The following PPP1R42 variants were observed in gnomAD, a reference collection of about 807,000 sequenced individuals.
PPP1R42 encodes protein phosphatase 1 regulatory subunit 42, also known as leucine rich repeat containing 67.
A neutral mutation model predicts 31.0 loss-of-function variants in PPP1R42; 34 were observed. The observed-to-expected ratio is 1.10, with a 90% CI of 0.83 to 1.46. The LOEUF (loss-of-function observed/expected upper bound fraction) is 1.46. Among genes scored for constraint, PPP1R42 ranks in the 40% most tolerant of loss-of-function variants. The probability of loss-of-function intolerance (pLI) is 0.00; values close to 1 mark genes in which losing one functional copy is unlikely to be tolerated. For missense variants in PPP1R42, 268 were observed against 303.0 expected, an observed-to-expected ratio of 0.88 and a Z score of 0.86; for synonymous variants, 103 against 109.8, an observed-to-expected ratio of 0.94 and a Z score of 0.39.
At chr8:66,977,398 C>T (rs563172269) in intron 7 of PPP1R42, among the ~76,000 whole-genome samples, 8 of 149,448 alleles carry the variant, frequency 5.4e-5, no homozygotes, top group Admixed American at 3.4e-4. Flanking sequence ...AGTGCAGTGG[C>T]GTGATCATAG....
At chr8:66,985,205 G>A (rs1036127014) in intron 6 of PPP1R42, 4 of 1,129,290 alleles carry the variant, frequency 3.5e-6, no homozygotes, top group South Asian at 2.5e-5. Flanking sequence ...GTCCTTAATC[G>A]CTGAGCAGTC....
chr8:66,981,342 T>A (rs1814828664), intron 7 of PPP1R42, among the ~76,000 whole-genome samples: 1 of 152,050 alleles, frequency 6.6e-6, no homozygotes, highest in Non-Finnish European at 1.5e-5. Flanking sequence ...CGTGATATAT[T>A]TTTATTTTCT....
At chr8:66,985,704 GGAA>G (rs1490389055) in intron 6 of PPP1R42, 17 of 1,322,466 alleles carry the variant, frequency 1.3e-5, no homozygotes, top group South Asian at 2.3e-5. Flanking sequence ...CTGGTTGGGA[GGAA>G]GAAGGAGTCT....
At chr8:66,974,945 C>G (rs1442065994) in intron 7 of PPP1R42, among the ~76,000 whole-genome samples, 1 of 152,118 alleles carries the variant, frequency 6.6e-6, no homozygotes, top group Non-Finnish European at 1.5e-5. Flanking sequence ...GTTCTTCATT[C>G]TTAAGATTGA....
rs151110214 is a variant in PPP1R42 at position 66,987,959 on chromosome 8, C to T, written c.670+441G>A. On this transcript the variant is annotated intron_variant, in intron 6 of 7. Transcript: ENST00000685739. ...ATAAAGGGTCTCGTCACCCAGCTCT[C>T]CTATCAAACGAAAGGGATTCCTGTA... 2.6e-3 allele frequency among the ~76,000 whole-genome samples: 396 copies of T among 152,278 alleles called. 1 individual carries two copies. The highest frequency in any genetic ancestry group is 0.01 in the Middle Eastern group (3 of 294).
Position 67,017,690 on chromosome 8 carries a change from C to G in PPP1R42, c.58G>C (p.Glu20Gln). The change falls in exon 2 of 8, where the codon GAA (glutamate) becomes CAA (glutamine). Residue 20 changes from glutamate to glutamine, a missense_variant. Physicochemically the swap from Glu to Gln is conservative, Grantham distance 29. Coordinates refer to ENST00000685739, the MANE Select transcript of PPP1R42 (RefSeq NM_001364910.1). Reference protein sequence around the residue: ...ARNSNLKPRKEETISQCLKKI... With the variant: ...ARNSNLKPRKQETISQCLKKI... ...TTCAGGCACTGTGAAATGGTTTCTT[C>G]TTTTCGGGGTTTAAGATTGCTGTTT... 6.2e-7 allele frequency: 1 copy of G among 1,601,944 alleles called. No individual in the cohort carries two copies.
At chr8:66,984,496 T>C (rs1237279957) in intron 6 of PPP1R42, 3 of 1,231,570 alleles carry the variant, frequency 2.4e-6, no homozygotes, top group Non-Finnish European at 3.6e-6. Context: ...TTGCCCAGCA[T>C]TGGCCTCAAT....
At chr8:66,973,047 G>A (rs1353832575) in intron 7 of PPP1R42, among the ~76,000 whole-genome samples, 2 of 152,114 alleles carry the variant, frequency 1.3e-5, no homozygotes, top group Non-Finnish European at 2.9e-5. Flanking sequence ...ATGATTAAAT[G>A]CAGTAATGTA....
intron 1 of PPP1R42, among the ~76,000 whole-genome samples, chr8:67,024,470 A>G (rs1367797390): frequency 6.9e-6 from 1 of 145,570 alleles, no homozygotes; most frequent in African/African-American, 2.6e-5. Flanking sequence ...TCATGCCACC[A>G]TGCCAGCTAA....
intron 5 of PPP1R42, among the ~76,000 whole-genome samples, chr8:66,999,699 T>G: frequency 6.6e-6 from 1 of 152,216 alleles, no homozygotes; most frequent in East Asian, 1.9e-4. Context: ...TATCATTTCT[T>G]TCTTAATTGT....
At chr8:67,004,089 CAA>C (rs773648040) in intron 5 of PPP1R42, among the ~76,000 whole-genome samples, 14 of 102,578 alleles carry the variant, frequency 1.4e-4, no homozygotes, top group Admixed American at 2.2e-4. Context: ...GACTCCGTCT[CAA>C]AAAAAAAAAA....
intron 4 of PPP1R42, among the ~76,000 whole-genome samples, chr8:67,012,103 G>T (rs1815859134): frequency 6.6e-6 from 1 of 151,964 alleles, no homozygotes; most frequent in Non-Finnish European, 1.5e-5. Context: ...AGGCGTGGTG[G>T]CGCACGCCTG....
chr8:66,969,011 A>G (rs1437434925), intron 7 of PPP1R42, among the ~76,000 whole-genome samples: 4 of 152,226 alleles, frequency 2.6e-5, no homozygotes, highest in Non-Finnish European at 4.4e-5. Flanking sequence ...AGGATAGCCT[A>G]TCTTTGCAGT....
At chr8:67,015,631 C>G (rs1193478672) in intron 2 of PPP1R42, among the ~76,000 whole-genome samples, 1 of 150,148 alleles carries the variant, frequency 6.7e-6, no homozygotes, top group African/African-American at 2.4e-5. Context: ...CAGGGTCTGC[C>G]CAGGCTGGTG....
rs1399465336 is a variant in PPP1R42 at position 67,018,825 on chromosome 8, C to A, written c.-84-994G>T. 2.3e-4 allele frequency among the ~76,000 whole-genome samples: 11 copies of A among 48,406 alleles called. 2 individuals carry two copies. The highest frequency in any genetic ancestry group is 9.4e-4 in the African/African-American group (11 of 11,700). The allele number at this position is 48,406 out of a possible 152,430, so 31.8% of individuals were successfully genotyped here. On this transcript the variant is annotated intron_variant, in intron 1 of 7. Coordinates refer to ENST00000685739, the MANE Select transcript of PPP1R42 (RefSeq NM_001364910.1). ...CGTGCCTGGCCCCCGCCCCCCCCCCCTTTTTTTTTTTTTTTTTTTTTAGGG... is the reference window on the plus strand; with the variant it reads ...CGTGCCTGGCCCCCGCCCCCCCCCCATTTTTTTTTTTTTTTTTTTTTAGGG...
At chr8:66,970,440 T>C (rs1192565010) in intron 7 of PPP1R42, among the ~76,000 whole-genome samples, 2 of 152,280 alleles carry the variant, frequency 1.3e-5, no homozygotes, top group East Asian at 3.9e-4. Context: ...CCAGCTCTGG[T>C]TTATTTTTCC....
Position 66,988,504 on chromosome 8 carries a change from A to G in PPP1R42, c.566T>C (p.Leu189Ser). The G allele has an allele frequency of 6.2e-7, 1 of 1,605,448 alleles. No individual in the cohort carries two copies. The highest frequency in any genetic ancestry group is 1.1e-5 in the South Asian group (1 of 88,818). Reference protein sequence around the residue: ...QLLHVKDLEFLLNKLMKLWKI... With the variant: ...QLLHVKDLEFSLNKLMKLWKI... ...CCACAGCTTCATCAACTTGTTCAGT[A>G]AAAACTCCAAATCCTATAATTAGAG... The change falls in exon 6 of 8, where the codon TTA becomes TCA. Residue 189 changes from leucine to serine, a missense_variant. Transcript: ENST00000685739.
chr8:66,973,327 G>A (rs918392146), intron 7 of PPP1R42, among the ~76,000 whole-genome samples: 3 of 150,130 alleles, frequency 2.0e-5, no homozygotes, highest in Non-Finnish European at 3.0e-5. Context: ...TTTTTGAGAC[G>A]ATGTCTTGCT....
chr8:66,988,934 T>C (rs771355567), intron 5 of PPP1R42, among the ~76,000 whole-genome samples: 10 of 151,304 alleles, frequency 6.6e-5, no homozygotes, highest in Non-Finnish European at 1.0e-4. Context: ...TTACAAAGAA[T>C]GCATATTCAT....
Sources: allele counts gnomAD v4.1 joint callset (sites outside exome capture counted in the v4.1 genomes callset), GRCh38; gene constraint gnomAD v4.1.1; transcripts MANE v1.5; gene names NCBI Gene and HGNC (gene_info 2026-07-23, HGNC 2026-07-21).